RAB27A: variants seen among roughly 807,000 people sequenced by gnomAD.
RAB27A encodes the protein RAB27A, member RAS oncogene family.
RAB27A carries 17 observed loss-of-function variants against 20.8 expected under a neutral mutation model. The ratio of observed to expected loss-of-function variants is 0.82; its 90% confidence interval spans 0.56 to 1.23. RAB27A has a LOEUF of 1.23. RAB27A is among the 50% of genes most tolerant of loss of function. RAB27A has a pLI of 0.00. For missense variants in RAB27A, 277 were observed against 266.7 expected, an observed-to-expected ratio of 1.04 and a Z score of -0.27; for synonymous variants, 85 against 92.8, an observed-to-expected ratio of 0.92 and a Z score of 0.48.
rs1165423553 is a variant in RAB27A, at chr15:55,228,706, A to G, written c.246T>C (p.Arg82=). 1.2e-6 allele frequency: 2 copies of G among 1,611,520 alleles called. No homozygotes were observed. Among genetic ancestry groups the G allele is most frequent in the South Asian group, 2.2e-5 (2 of 91,040 alleles). The change falls in exon 5 of 7, where the codon CGT becomes CGC. Residue 82 remains arginine (R), a synonymous_variant. Coordinates refer to ENST00000336787, the MANE Select transcript of RAB27A (RefSeq NM_183235.3). The stretch of plus-strand genomic sequence containing the variant: ...CTCTGAAGAACGCTGTCGTTAAGCT[A>G]CGAAACCTAGGAACATAAAAGCAGA... ...LWDTAGQERF[R]SLTTAFFRDA...
At chr15:55,295,692 G>C (rs1014332769) in intron 2 of RAB27A, among the ~76,000 whole-genome samples, 4 of 152,148 alleles carry the variant, frequency 2.6e-5, no homozygotes, top group Non-Finnish European at 5.9e-5. Context: ...AGAGGCTAGG[G>C]AGAGGGAGAA....
intron 5 of RAB27A, among the ~76,000 whole-genome samples, chr15:55,228,025 C>G (rs1194565764): frequency 1.3e-5 from 2 of 152,100 alleles, no homozygotes; most frequent in Non-Finnish European, 2.9e-5. Context: ...TAAAATCTCT[C>G]CAAAATAAAG....
chr15:55,209,647 T>C lies in RAB27A; in HGVS notation c.468-3942A>G, dbSNP rs190321894. Among the ~76,000 whole-genome samples, 328 of 149,762 alleles carry C rather than the reference T, an allele frequency of 2.2e-3. 2 individuals are homozygous for C. The highest frequency in any genetic ancestry group is 7.9e-3 in the African/African-American group (319 of 40,588). On this transcript the variant is annotated intron_variant, in intron 6 of 6. Coordinates refer to ENST00000336787, the MANE Select transcript of RAB27A (RefSeq NM_183235.3). ...TTGATATATCTGATATACATCTCTA[T>C]ATATCTTTTGGGATATATATATATC...
upstream of RAB27A, among the ~76,000 whole-genome samples, chr15:55,293,402 TAAATG>T (rs1370340580): frequency 6.6e-6 from 1 of 151,190 alleles, no homozygotes; most frequent in Non-Finnish European, 1.5e-5. Context: ...TTAGTGCTAA[TAAATG>T]AAATAAGCAA....
rs555619470 is a variant in RAB27A at position 55,229,221 on chromosome 15, C to G, written c.240-509G>C. On this transcript the variant is annotated intron_variant, in intron 4 of 6. Coordinates refer to ENST00000336787, the MANE Select transcript of RAB27A (RefSeq NM_183235.3). ...GTCTTCTCTCTCTCTCTCCCCACCC[C>G]CAACCCCACCCTATCACCAGTCAGT... Among the ~76,000 whole-genome samples, 6 of 152,094 alleles carry G rather than the reference C, an allele frequency of 3.9e-5. No homozygotes were observed. The South Asian group carries it at 6.2e-4, about 16-fold the overall frequency.
chr15:55,295,483 C>T (rs1363194797), intron 2 of RAB27A, among the ~76,000 whole-genome samples: 2 of 152,144 alleles, frequency 1.3e-5, no homozygotes, highest in Admixed American at 6.5e-5. Context: ...CAAAATGTGG[C>T]ACATCCATAT....
chr15:55,230,547 A>C, intron 3 of RAB27A, 61 bp from the exon 4 acceptor site: 75 of 1,396,622 alleles, frequency 5.4e-5, no homozygotes, highest in Non-Finnish European at 7.2e-5. Context: ...GAACCTTCTC[A>C]CCTTTTTGTT....
chr15:55,216,998 GGTATAAGAGCTC>G (rs1198608199), intron 6 of RAB27A, among the ~76,000 whole-genome samples: 1 of 152,096 alleles, frequency 6.6e-6, no homozygotes, highest in Non-Finnish European at 1.5e-5. Context: ...ATAATTTCAA[GGTATAAGAGCTC>G]TAACTTTTCA....
At chr15:55,238,146 C>A (rs1896336880) in intron 2 of RAB27A, 1 of 152,034 alleles carries the variant, frequency 6.6e-6, no homozygotes, top group Non-Finnish European at 1.5e-5. Context: ...ATCTTTAAGA[C>A]AATTATCTGC....
At chr15:55,296,494 A>G (rs1173725870) in intron 2 of RAB27A, among the ~76,000 whole-genome samples, 1 of 151,898 alleles carries the variant, frequency 6.6e-6, no homozygotes, top group Non-Finnish European at 1.5e-5. Context: ...ATAGAGCAAG[A>G]CTCCATCTCA....
At position 55,304,025 on chromosome 15, in the gene RAB27A, G is replaced by A. The variant is rs1469592663; in HGVS notation, c.-112+10014C>T. Among the ~76,000 whole-genome samples, 4 of 151,978 alleles carry A rather than the reference G, an allele frequency of 2.6e-5. No individual in the cohort carries two copies. In the East Asian group the frequency reaches 7.8e-4, roughly 30 times the overall value. On this transcript the variant is annotated intron_variant, in intron 2 of 5. Coordinates refer to the RAB27A transcript ENST00000563262. ...GGCGGCTTTGTGGAATAGAAAGGCG[G>A]GAAAGGTGGGGAAGAGATTGAGAAA...
intron 1 of RAB27A, among the ~76,000 whole-genome samples, chr15:55,276,901 G>A (rs1156899885): frequency 1.3e-5 from 2 of 152,124 alleles, no homozygotes; most frequent in Non-Finnish European, 2.9e-5. Context: ...CCTTGATGGT[G>A]GCGATGGTTT....
chr15:55,211,495 AT>A (rs1374284859), intron 6 of RAB27A, among the ~76,000 whole-genome samples: 2 of 151,994 alleles, frequency 1.3e-5, no homozygotes, highest in African/African-American at 4.8e-5. Context: ...ATTTCTAGGT[AT>A]TTTATATTCT....
chr15:55,316,132 T>C (rs2055042223), intron 1 of RAB27A, among the ~76,000 whole-genome samples: 1 of 150,102 alleles, frequency 6.7e-6, no homozygotes, highest in African/African-American at 2.5e-5. Flanking sequence ...CTACGTAGGC[T>C]GAGGCAGAAC....
chr15:55,254,870 T>C (rs1897023656), intron 2 of RAB27A, among the ~76,000 whole-genome samples: 1 of 152,218 alleles, frequency 6.6e-6, no homozygotes, highest in Admixed American at 6.5e-5. Flanking sequence ...TGTCTATGGA[T>C]TTTTGTGACC....
rs1347644809 is a variant in RAB27A, at chr15:55,309,358, T to A, written c.-112+4681A>T. On this transcript the variant is annotated intron_variant, in intron 2 of 5. Transcript: ENST00000563262. ...AAACCTGCTGAGAGCAGAGCTGAAC[T>A]TTTGGTTTGGAAACCTTGTAGTCAC... 2.6e-5 allele frequency among the ~76,000 whole-genome samples: 4 copies of A among 152,226 alleles called. 1 individual carries two copies. The highest frequency in any genetic ancestry group is 5.9e-5 in the Non-Finnish European group (4 of 68,044).
Position 55,235,312 on chromosome 15 carries a change from G to C in RAB27A, c.-22-356C>G, listed in dbSNP as rs188716033. The stretch of plus-strand genomic sequence containing the variant: ...AAAATACAAAAATTAGCCAGGCATG[G>C]TGGTGCATGCCTATAATCCCAGCTA... On this transcript the variant is annotated intron_variant, in intron 2 of 6. Transcript: ENST00000336787. Among the ~76,000 whole-genome samples, 14 of 152,176 alleles carry C rather than the reference G, an allele frequency of 9.2e-5. 1 individual carries two copies. Among genetic ancestry groups the C allele is most frequent in the Middle Eastern group, 6.8e-3 (2 of 294 alleles).
intron 2 of RAB27A, among the ~76,000 whole-genome samples, chr15:55,304,331 G>T (rs1251813029): frequency 1.1e-4 from 16 of 151,184 alleles, no homozygotes; most frequent in Non-Finnish European, 2.2e-4. Context: ...ACTGCGGAAG[G>T]CCGCAGGGTC....
upstream of RAB27A, chr15:55,319,116 G>A (rs1054713535): frequency 7.6e-6 from 8 of 1,058,400 alleles, no homozygotes; most frequent in African/African-American, 3.3e-5. Context: ...ACGTCGGGTG[G>A]GAGCTACGAA....
Sources: gnomAD v4.1 joint callset for allele counts (sites outside exome capture counted in the v4.1 genomes callset) on GRCh38, gnomAD v4.1.1 for gene constraint, MANE v1.5 for transcripts, NCBI Gene and HGNC (gene_info 2026-07-23, HGNC 2026-07-21) for gene names.